TMEM71: variants seen among roughly 807,000 people sequenced by gnomAD.
TMEM71 encodes transmembrane protein 71.
TMEM71 carries 44 observed loss-of-function variants against 38.0 expected under a neutral mutation model. The observed-to-expected ratio is 1.16, with a 90% CI of 0.91 to 1.49. The LOEUF is 1.49. Ranked by LOEUF, TMEM71 falls within the 40% of genes most tolerant of loss-of-function variation. The pLI, the probability that TMEM71 is intolerant of heterozygous loss-of-function variation, is 0.00. For missense variants in TMEM71, 367 were observed against 348.6 expected (o/e 1.05, Z -0.42); for synonymous variants, 133 against 122.5 (o/e 1.09, Z -0.56).
intron 4 of TMEM71, among the ~76,000 whole-genome samples, chr8:132,748,283 A>T (rs921562767): frequency 3.9e-5 from 6 of 152,180 alleles, no homozygotes; most frequent in Non-Finnish European, 8.8e-5. Context: ...CTTTATCCTG[A>T]TGGTTCTCAA....
chr8:132,765,702 A>G (rs556020480), upstream of TMEM71, among the ~76,000 whole-genome samples: 2 of 152,146 alleles, frequency 1.3e-5, no homozygotes, highest in African/African-American at 2.4e-5. Context: ...ATTTTACACA[A>G]TTGCAATTCT....
At chr8:132,706,963 G>C (rs1010723310), downstream of TMEM71, among the ~76,000 whole-genome samples, 1 of 152,120 alleles carries the variant, frequency 6.6e-6, no homozygotes, top group African/African-American at 2.4e-5. Context: ...AACAAAAAAC[G>C]ATTAAGCCTC....
intron 9 of TMEM71, among the ~76,000 whole-genome samples, chr8:132,711,782 G>A (rs976094630): frequency 1.3e-5 from 2 of 152,110 alleles, no homozygotes; most frequent in Non-Finnish European, 2.9e-5. Context: ...AGCCGTGTGA[G>A]GTGCTAAAGA....
intron 6 of TMEM71, among the ~76,000 whole-genome samples, chr8:132,727,192 T>C (rs977393221): frequency 6.6e-6 from 1 of 151,874 alleles, no homozygotes; most frequent in African/African-American, 2.4e-5. Flanking sequence ...AGAATTAAAA[T>C]AGCAAACATC....
chr8:132,716,574 G>T lies in TMEM71; in HGVS notation c.753-2359C>A, dbSNP rs578130046. On this transcript the variant is annotated intron_variant, in intron 7 of 9. Transcript: ENST00000677595. ...CCATCTACATAAGTAATCTAGAGAT[G>T]ATTTAAACTATATGGGAGGATATAC... 2.0e-5 allele frequency among the ~76,000 whole-genome samples: 3 copies of T among 152,232 alleles called. No individual in the cohort carries two copies. The East Asian group carries it at 5.8e-4, about 29-fold the overall frequency.
intron 5 of TMEM71, among the ~76,000 whole-genome samples, chr8:132,737,331 G>A (rs1827804902): frequency 1.3e-5 from 2 of 152,212 alleles, no homozygotes; most frequent in South Asian, 2.1e-4. Context: ...AAGAGTCAGA[G>A]AGATAACTTC....
chr8:132,766,280 T>C, the TMEM71 span, among the ~76,000 whole-genome samples: 3 of 152,028 alleles, frequency 2.0e-5, no homozygotes, highest in African/African-American at 7.3e-5. Flanking sequence ...TCTACCCATA[T>C]TTCCTTGGTC....
chr8:132,718,271 A>G (rs1216984478), intron 7 of TMEM71, among the ~76,000 whole-genome samples: 1 of 152,250 alleles, frequency 6.6e-6, no homozygotes, highest in African/African-American at 2.4e-5. Flanking sequence ...TTTAAAATGC[A>G]ATGAATAGCA....
intron 4 of TMEM71, among the ~76,000 whole-genome samples, chr8:132,748,532 C>A (rs1017636987): frequency 2.6e-5 from 4 of 152,108 alleles, no homozygotes; most frequent in African/African-American, 4.8e-5. Flanking sequence ...GTTTCAGGAA[C>A]AACAAGTTGA....
At chr8:132,731,501 G>A (rs888278971) in intron 5 of TMEM71, among the ~76,000 whole-genome samples, 1 of 152,302 alleles carries the variant, frequency 6.6e-6, no homozygotes, top group South Asian at 2.1e-4. Flanking sequence ...TAGGCACAGG[G>A]TTTATCCCAT....
At chr8:132,718,601 G>A (rs1347762164) in intron 7 of TMEM71, among the ~76,000 whole-genome samples, 2 of 151,976 alleles carry the variant, frequency 1.3e-5, no homozygotes, top group African/African-American at 2.4e-5. Flanking sequence ...GTTTCACCGT[G>A]TTAGCCAGGA....
At chr8:132,759,487 C>A (rs1829212578) in intron 1 of TMEM71, 1 of 152,124 alleles carries the variant, frequency 6.6e-6, no homozygotes, top group Non-Finnish European at 1.5e-5. Flanking sequence ...GATAGCATAC[C>A]ATTGGGAAGA....
intron 5 of TMEM71, among the ~76,000 whole-genome samples, chr8:132,744,001 G>A (rs908458063): frequency 7.2e-5 from 11 of 151,962 alleles, no homozygotes; most frequent in African/African-American, 1.7e-4. Context: ...CAAATGAGTC[G>A]AATTCCCCAT....
the TMEM71 span, among the ~76,000 whole-genome samples, chr8:132,772,906 G>A: frequency 1.3e-5 from 2 of 152,148 alleles, no homozygotes; most frequent in South Asian, 2.1e-4. Flanking sequence ...GTAATTAGCC[G>A]TTGGTGGCAT....
chr8:132,715,805 A>G (rs1027285605), intron 7 of TMEM71, among the ~76,000 whole-genome samples: 1 of 152,252 alleles, frequency 6.6e-6, no homozygotes, highest in Admixed American at 6.5e-5. Flanking sequence ...GTGGGTTAGT[A>G]TATTTTCTTA....
intron 5 of TMEM71, among the ~76,000 whole-genome samples, chr8:132,731,562 A>G (rs1214533116): frequency 2.0e-5 from 3 of 152,202 alleles, no homozygotes; most frequent in Non-Finnish European, 2.9e-5. Flanking sequence ...CCTCTCTAGA[A>G]GAAAGTGCCC....
At chr8:132,769,497 G>A in the TMEM71 span, among the ~76,000 whole-genome samples, 41 of 152,184 alleles carry the variant, frequency 2.7e-4, no homozygotes, top group African/African-American at 9.7e-4. Flanking sequence ...TGAACTGACT[G>A]TGTGTGTCTC....
At chr8:132,775,684 C>T in the TMEM71 span, 1 of 328,738 alleles carries the variant, frequency 3.0e-6, no homozygotes, top group East Asian at 4.6e-5. Flanking sequence ...GGCCGCCTGG[C>T]CCCCGCCGGG....
At chr8:132,711,023 C>G (rs1290116793) in intron 9 of TMEM71, 41 bp from the exon 10 acceptor site, 2 of 1,598,252 alleles carry the variant, frequency 1.3e-6, no homozygotes, top group Admixed American at 3.5e-5. Context: ...TAATTCATCC[C>G]CATGCACAGG....
Sources: gnomAD v4.1 joint callset for allele counts (sites outside exome capture counted in the v4.1 genomes callset) on GRCh38, gnomAD v4.1.1 for gene constraint, MANE v1.5 for transcripts, NCBI Gene and HGNC (gene_info 2026-07-23, HGNC 2026-07-21) for gene names.